The following ITGA4 variants were observed in gnomAD, a reference collection of about 807,000 sequenced individuals.
ITGA4 encodes integrin alpha-4.
A neutral mutation model predicts 133.6 loss-of-function variants in ITGA4; 63 were observed. That is an observed-to-expected ratio of 0.47 (90% confidence interval 0.38 to 0.58). The LOEUF (loss-of-function observed/expected upper bound fraction) is 0.58. Ranked by LOEUF, ITGA4 falls within the 20% of genes least tolerant of loss-of-function variation. The pLI, the probability that ITGA4 is intolerant of heterozygous loss-of-function variation, is 0.00. For synonymous variants in ITGA4, 483 were observed against 438.0 expected, an observed-to-expected ratio of 1.10 and a Z score of -1.28; for missense variants, 1,076 against 1,252.7, an observed-to-expected ratio of 0.86 and a Z score of 2.13.
At position 181,537,190 on chromosome 2, in the gene ITGA4, G is replaced by T. The variant is rs1054747998; in HGVS notation, c.*1663G>T. The T allele has an allele frequency of 1.3e-5, 6 of 453,170 alleles. No homozygotes were observed. Among genetic ancestry groups the T allele is most frequent in the African/African-American group, 1.2e-4 (6 of 49,956 alleles). 28.1% of individuals were successfully genotyped at this position (453,170 alleles called of 1,614,324 possible). On this transcript the variant is annotated 3_prime_UTR_variant, in exon 28 of 28. Transcript: ENST00000397033. ...CAGGAGAACATCTAGGATCATAGAT[G>T]AAAAATCAAGCCCCGATTTAGAACT...
chr2:181,497,743 A>G (rs899118415), intron 14 of ITGA4, among the ~76,000 whole-genome samples: 3 of 152,174 alleles, frequency 2.0e-5, no homozygotes, highest in African/African-American at 4.8e-5. Context: ...TATTGCCTCT[A>G]TGTAGTGAGT....
chr2:181,473,406 T>C (rs1245066475), intron 2 of ITGA4, among the ~76,000 whole-genome samples: 1 of 152,142 alleles, frequency 6.6e-6, no homozygotes, highest in Non-Finnish European at 1.5e-5. Flanking sequence ...CTACTGCCCA[T>C]GGAAAAAATT....
chr2:181,507,445 A>T (rs1417769561), intron 15 of ITGA4, among the ~76,000 whole-genome samples: 1 of 152,052 alleles, frequency 6.6e-6, no homozygotes, highest in African/African-American at 2.4e-5. Context: ...TTTGTTGAGT[A>T]CCCTTTGAAA....
chr2:181,481,572 C>G, intron 6 of ITGA4, 26 bp from the exon 7 acceptor site: 1 of 1,364,512 alleles, frequency 7.3e-7, no homozygotes, highest in Non-Finnish European at 1.0e-6. Flanking sequence ...ACCCAGGACT[C>G]TCATACTTTC....
intron 27 of ITGA4, 69 bp downstream of exon 27, chr2:181,535,004 C>G: frequency 6.8e-7 from 1 of 1,461,266 alleles, no homozygotes; most frequent in Non-Finnish European, 9.1e-7. Flanking sequence ...ATTTGACTTC[C>G]AAGTTATTAG....
intron 4 of ITGA4, chr2:181,476,001 C>T: frequency 1.7e-6 from 2 of 1,154,204 alleles, no homozygotes; most frequent in Admixed American, 3.4e-5. Context: ...AAAAAAAATC[C>T]CTCAGCACGC....
chr2:181,505,204 CT>C (rs1686369374), intron 15 of ITGA4, among the ~76,000 whole-genome samples: 2 of 152,042 alleles, frequency 1.3e-5, no homozygotes, highest in African/African-American at 2.4e-5. Flanking sequence ...CAGGTACTGA[CT>C]TTCAGTTTTG....
At chr2:181,465,843 A>G (rs184443532) in intron 2 of ITGA4, among the ~76,000 whole-genome samples, 6 of 152,218 alleles carry the variant, frequency 3.9e-5, no homozygotes, top group Admixed American at 3.9e-4. Context: ...GACCTTGGGC[A>G]AGTGCTTAGT....
chr2:181,513,793 CT>C (rs1274135016), intron 17 of ITGA4, among the ~76,000 whole-genome samples: 1 of 152,144 alleles, frequency 6.6e-6, no homozygotes, highest in African/African-American at 2.4e-5. Flanking sequence ...ACCTGATTAA[CT>C]TTTATTTATC....
At chr2:181,463,033 A>T (rs1432687354) in intron 2 of ITGA4, among the ~76,000 whole-genome samples, 1 of 152,202 alleles carries the variant, frequency 6.6e-6, no homozygotes, top group Admixed American at 6.5e-5. Flanking sequence ...TCTAGGTAAG[A>T]CAATAAAGTG....
chr2:181,463,832 A>G (rs1488807891), intron 2 of ITGA4, among the ~76,000 whole-genome samples: 49 of 152,300 alleles, frequency 3.2e-4, no homozygotes, highest in Admixed American at 3.1e-3. Context: ...TTTGATTACC[A>G]TCTCTCTGGG....
intron 21 of ITGA4, 78 bp downstream of exon 21, chr2:181,525,369 TG>T: frequency 1.4e-6 from 1 of 733,612 alleles, no homozygotes; most frequent in African/African-American, 1.8e-5. Context: ...ATGAAAAAAC[TG>T]TATTCTAGAA....
upstream of ITGA4, chr2:181,457,384 G>A (rs1475120199): frequency 4.9e-6 from 2 of 410,194 alleles, no homozygotes; most frequent in Middle Eastern, 6.6e-4. Context: ...CCCGTACCCG[G>A]AGAAGCAGCG....
chr2:181,490,062 C>T (rs1056143208), intron 10 of ITGA4, among the ~76,000 whole-genome samples: 3 of 152,038 alleles, frequency 2.0e-5, no homozygotes, highest in Non-Finnish European at 2.9e-5. Context: ...CTGCATGCAC[C>T]GGTAATTAGA....
At position 181,495,602 on chromosome 2, in the gene ITGA4, A is replaced by G. The variant is rs574177141; in HGVS notation, c.1386-181A>G. Among the ~76,000 whole-genome samples the G allele has an allele frequency of 1.3e-4, 20 of 152,276 alleles. No individual in the cohort carries two copies. In the South Asian group the frequency reaches 3.9e-3, roughly 30 times the overall value. On this transcript the variant is annotated intron_variant, in intron 13 of 27. Coordinates refer to ENST00000397033, the MANE Select transcript of ITGA4 (RefSeq NM_000885.6). The surrounding 1 kb of genome is among the most constrained non-coding windows in gnomAD (Gnocchi z 4.3). ...ATATAATTAAATCATCAAAGTCAAT[A>G]TTTTTAGACATTTAAATAAAAAGTT...
chr2:181,473,561 T>C (rs1347235809), intron 2 of ITGA4, among the ~76,000 whole-genome samples: 5 of 152,250 alleles, frequency 3.3e-5, no homozygotes, highest in Non-Finnish European at 7.3e-5. Flanking sequence ...TTAAAGGTTT[T>C]GTTTTTCCTG....
intron 22 of ITGA4, 134 bp downstream of exon 22, chr2:181,527,521 GC>G: frequency 1.6e-6 from 1 of 614,502 alleles, no homozygotes; most frequent in Non-Finnish European, 3.0e-6. Flanking sequence ...TGGGGCAGCA[GC>G]AGTGGTACTC....
At chr2:181,500,526 G>T (rs1263868654) in intron 15 of ITGA4, among the ~76,000 whole-genome samples, 2 of 152,170 alleles carry the variant, frequency 1.3e-5, no homozygotes, top group Non-Finnish European at 2.9e-5. Context: ...CGGTTGGGAT[G>T]CCTGGGTTGC....
intron 9 of ITGA4, among the ~76,000 whole-genome samples, chr2:181,484,632 AGT>A (rs1212362863): frequency 5.3e-5 from 8 of 152,242 alleles, no homozygotes; most frequent in African/African-American, 1.4e-4. Flanking sequence ...AATGACATTT[AGT>A]GAGTATCTGA....
Sources: allele counts gnomAD v4.1 joint callset (sites outside exome capture counted in the v4.1 genomes callset), GRCh38; gene constraint gnomAD v4.1.1; non-coding constraint Gnocchi (gnomAD v3.1); transcripts MANE v1.5; gene names NCBI Gene and HGNC (gene_info 2026-07-23, HGNC 2026-07-21).